Variants in CDH9 observed in about 807,000 individuals in gnomAD.
CDH9 encodes cadherin 9.
Under a neutral mutation model 70.9 loss-of-function variants are expected in CDH9, and 28 were observed. That is an observed-to-expected ratio of 0.40 (90% CI 0.29 to 0.54). The LOEUF (loss-of-function observed/expected upper bound fraction) is 0.54. Among genes scored for constraint, CDH9 ranks in the 20% least tolerant of loss-of-function variants. The probability of loss-of-function intolerance (pLI) is 0.59; values close to 1 mark genes in which losing one functional copy is unlikely to be tolerated. For synonymous variants in CDH9, 409 were observed against 343.1 expected, an observed-to-expected ratio of 1.19 and a Z score of -2.12; for missense variants, 874 against 984.4, an observed-to-expected ratio of 0.89 and a Z score of 1.50.
At chr5:26,930,943 T>C (rs1295076883) in intron 2 of CDH9, among the ~76,000 whole-genome samples, 2 of 152,142 alleles carry the variant, frequency 1.3e-5, no homozygotes. Context: ...AGATATTAGC[T>C]TCATAATTAG....
intron 1 of CDH9, among the ~76,000 whole-genome samples, chr5:27,003,589 C>T (rs908225794): frequency 6.6e-6 from 1 of 151,944 alleles, no homozygotes; most frequent in African/African-American, 2.4e-5. Context: ...GACCCATGAG[C>T]TCAGTGAAAA....
At chr5:26,918,581 CT>C (rs1223710351) in intron 2 of CDH9, among the ~76,000 whole-genome samples, 3 of 152,172 alleles carry the variant, frequency 2.0e-5, no homozygotes, top group African/African-American at 4.8e-5. Flanking sequence ...AATGGATAGA[CT>C]TGAATTTGAA....
At chr5:26,904,177 AC>A (rs1740906029) in intron 5 of CDH9, among the ~76,000 whole-genome samples, 2 of 151,618 alleles carry the variant, frequency 1.3e-5, no homozygotes, top group Admixed American at 6.6e-5. Context: ...TGGTCATCAC[AC>A]TTTTTTTTTT....
At chr5:26,958,400 C>T (rs963333844) in intron 2 of CDH9, among the ~76,000 whole-genome samples, 7 of 152,140 alleles carry the variant, frequency 4.6e-5, no homozygotes, top group Non-Finnish European at 8.8e-5. Context: ...GTTGGTTTAA[C>T]TAAACGATGA....
chr5:26,949,099 G>C, intron 2 of CDH9, among the ~76,000 whole-genome samples: 1 of 152,260 alleles, frequency 6.6e-6, no homozygotes, highest in Middle Eastern at 3.4e-3. Flanking sequence ...TCTAGGCTTA[G>C]GGTTAGGATT....
chr5:26,954,445 C>A (rs150307042), intron 2 of CDH9, among the ~76,000 whole-genome samples: 43 of 120,536 alleles, frequency 3.6e-4, no homozygotes, highest in African/African-American at 1.4e-3. Context: ...AGTGCAGTGG[C>A]GCCATCTCGG....
intron 2 of CDH9, among the ~76,000 whole-genome samples, chr5:26,969,255 T>C (rs1354420847): frequency 2.0e-5 from 3 of 152,186 alleles, no homozygotes; most frequent in South Asian, 4.1e-4. Flanking sequence ...AATAAATCTG[T>C]AGTTGGAGAA....
intron 2 of CDH9, among the ~76,000 whole-genome samples, chr5:26,987,091 C>CTTTTTTT (rs201154706): frequency 2.8e-4 from 30 of 108,266 alleles, no homozygotes; most frequent in African/African-American, 4.7e-4. Context: ...CACTTGTATT[C>CTTTTTTT]TTTTTTTTTT....
At chr5:26,894,024 C>T (rs1468674353) in intron 7 of CDH9, among the ~76,000 whole-genome samples, 1 of 152,054 alleles carries the variant, frequency 6.6e-6, no homozygotes, top group Non-Finnish European at 1.5e-5. Flanking sequence ...TTTTCCTTAG[C>T]TACACAAATT....
chr5:26,974,125 T>A (rs1742265901), intron 2 of CDH9, among the ~76,000 whole-genome samples: 1 of 152,058 alleles, frequency 6.6e-6, no homozygotes, highest in South Asian at 2.1e-4. Flanking sequence ...GTGCCTGTAT[T>A]CCCAGCTACT....
intron 2 of CDH9, among the ~76,000 whole-genome samples, chr5:26,919,898 A>G (rs1003177342): frequency 2.6e-5 from 4 of 152,134 alleles, no homozygotes; most frequent in African/African-American, 9.7e-5. Flanking sequence ...GTAGGCAAGC[A>G]ACACTTGCTG....
Position 26,903,714 on chromosome 5 carries a change from C to T in CDH9, c.922G>A (p.Ala308Thr), listed in dbSNP as rs1740897461. 6.2e-7 allele frequency: 1 copy of T among 1,604,790 alleles called. No homozygotes were observed. Among genetic ancestry groups the T allele is most frequent in the Non-Finnish European group, 8.5e-7 (1 of 1,172,960 alleles). The change falls in exon 6 of 12, where the codon GCT (alanine) becomes ACT (threonine). Residue 308 changes from alanine to threonine, a missense_variant. Transcript: ENST00000231021. ...GENAEMEYSI[A>T]EGDGADMFDV... is the part of the protein sequence containing the mutation. Reference sequence around the variant, plus strand: ...AACATGTCTGCACCATCTCCTTCAGCAATGCTATACTCCATTTCTGCATTT... The same window carrying T: ...AACATGTCTGCACCATCTCCTTCAGTAATGCTATACTCCATTTCTGCATTT...
chr5:26,943,811 CAATT>C, intron 2 of CDH9, among the ~76,000 whole-genome samples: 1 of 152,124 alleles, frequency 6.6e-6, no homozygotes, highest in Non-Finnish European at 1.5e-5. Flanking sequence ...ATTTAAGTGA[CAATT>C]AAGTAATGCT....
At chr5:26,983,380 T>C (rs1311746195) in intron 2 of CDH9, among the ~76,000 whole-genome samples, 2 of 152,218 alleles carry the variant, frequency 1.3e-5, no homozygotes, top group African/African-American at 2.4e-5. Context: ...AGATATTGTA[T>C]AAACTGCTTC....
At chr5:26,959,926 G>A (rs1742006447) in intron 2 of CDH9, among the ~76,000 whole-genome samples, 1 of 151,924 alleles carries the variant, frequency 6.6e-6, no homozygotes, top group African/African-American at 2.4e-5. Flanking sequence ...TGATGAAAAT[G>A]TTTTGGAAAT....
In CDH9 at chr5:26,979,781, G is replaced by A. The variant is rs568325976; in HGVS notation, c.228+8325C>T. Reference sequence around the variant, plus strand: ...AGGCAAAGTTAACCTCAAGTAAGTGGTATTATCACAGGTAAAGGTTGGTAT... The same window carrying A: ...AGGCAAAGTTAACCTCAAGTAAGTGATATTATCACAGGTAAAGGTTGGTAT... On this transcript the variant is annotated intron_variant, in intron 2 of 11. Coordinates refer to ENST00000231021, the MANE Select transcript of CDH9 (RefSeq NM_016279.4). Among the ~76,000 whole-genome samples the A allele has an allele frequency of 4.3e-4, 66 of 151,792 alleles. 2 individuals carry two copies. The South Asian group carries it at 0.013, about 31-fold the overall frequency.
At chr5:26,957,196 T>C (rs1467523842) in intron 2 of CDH9, among the ~76,000 whole-genome samples, 3 of 152,138 alleles carry the variant, frequency 2.0e-5, no homozygotes, top group Non-Finnish European at 4.4e-5. Flanking sequence ...TCATTTTTGA[T>C]TTTTGTCTAA....
intron 1 of CDH9, among the ~76,000 whole-genome samples, chr5:27,018,243 A>G (rs1252130359): frequency 6.6e-6 from 1 of 151,860 alleles, no homozygotes; most frequent in African/African-American, 2.4e-5. Context: ...TGGGAAGAGA[A>G]TTTTAAAAAA....
rs145716417 is a variant in CDH9, at chr5:27,025,769, G to A, written c.-50+12694C>T. Among the ~76,000 whole-genome samples, 122 of 152,094 alleles carry A rather than the reference G, an allele frequency of 8.0e-4. 1 individual carries two copies. Among genetic ancestry groups the A allele is most frequent in the South Asian group, 2.7e-3 (13 of 4,826 alleles). On this transcript the variant is annotated intron_variant, in intron 1 of 11. Transcript: ENST00000231021. Reference sequence around the variant, plus strand: ...TAGAACAACAGGTTCTTATTCTCTCGTGCCTCCATGAAGAATAGAACCTCC... The same window carrying A: ...TAGAACAACAGGTTCTTATTCTCTCATGCCTCCATGAAGAATAGAACCTCC...
Sources: gnomAD v4.1 joint callset for allele counts (sites outside exome capture counted in the v4.1 genomes callset) on GRCh38, gnomAD v4.1.1 for gene constraint, MANE v1.5 for transcripts, NCBI Gene and HGNC (gene_info 2026-07-23, HGNC 2026-07-21) for gene names.